DLGAP1: variants seen among roughly 807,000 people sequenced by gnomAD.
The protein encoded by DLGAP1 is disks large-associated protein 1.
A neutral mutation model predicts 90.8 loss-of-function variants in DLGAP1; 11 were observed. The observed-to-expected ratio is 0.12, with a 90% CI of 0.08 to 0.20. The LOEUF (loss-of-function observed/expected upper bound fraction) is 0.20. Ranked by LOEUF, DLGAP1 falls within the 10% of genes least tolerant of loss-of-function variation. The probability of loss-of-function intolerance (pLI) is 1.00; values close to 1 mark genes in which losing one functional copy is unlikely to be tolerated. For missense variants in DLGAP1, 1,050 were observed against 1,333.8 expected (o/e 0.79, Z 3.31); for synonymous variants, 558 against 540.7 (o/e 1.03, Z -0.44).
chr18:3,908,989 G>A (rs1004349301), intron 3 of DLGAP1, among the ~76,000 whole-genome samples: 1 of 152,058 alleles, frequency 6.6e-6, no homozygotes, highest in Non-Finnish European at 1.5e-5. Flanking sequence ...TCCTAGCCTG[G>A]GTTGCTGAAA....
rs184329997 is a variant in DLGAP1, at chr18:4,249,047, G to A, written c.-266-97760C>T. Among the ~76,000 whole-genome samples the A allele has an allele frequency of 2.0e-3, 310 of 152,282 alleles. 1 individual carries two copies. The highest frequency in any genetic ancestry group is 7.0e-3 in the African/African-American group (293 of 41,566). On this transcript the variant is annotated intron_variant, in intron 1 of 12. Coordinates refer to ENST00000315677, the MANE Select transcript of DLGAP1 (RefSeq NM_004746.4). The stretch of plus-strand genomic sequence containing the variant: ...TCTATGCAAATATGCCTTGCTCAGC[G>A]AGGCTGTACCCTTCACTCCCCTATT...
intron 1 of DLGAP1, among the ~76,000 whole-genome samples, chr18:4,440,120 CAAAAAAAAAA>C (rs35152199): frequency 2.0e-5 from 1 of 49,354 alleles, no homozygotes; most frequent in Admixed American, 3.3e-4. Flanking sequence ...ACTCCGTCAC[CAAAAAAAAAA>C]AAAAAAAAAA....
chr18:4,411,840 A>G (rs2082784732), intron 1 of DLGAP1, among the ~76,000 whole-genome samples: 1 of 152,152 alleles, frequency 6.6e-6, no homozygotes, highest in Non-Finnish European at 1.5e-5. Flanking sequence ...TTCCAAGAGG[A>G]GAAAGAGAAA....
chr18:4,247,219 C>T (rs2078670188), intron 1 of DLGAP1, among the ~76,000 whole-genome samples: 1 of 152,168 alleles, frequency 6.6e-6, no homozygotes, highest in African/African-American at 2.4e-5. Context: ...ATGTGTTTCA[C>T]ACTGATGTAA....
At position 3,749,148 on chromosome 18, in the gene DLGAP1, C is replaced by CTTTTT. The variant is rs776707431; in HGVS notation, c.1173-6641_1173-6637dup. ...CTTCCTCCTCCTCCTTCTTCTTCTT[C>CTTTTT]TTTTTTTTTTTTTTTTTTTTTGACA... On this transcript the variant is annotated intron_variant, in intron 5 of 12. Transcript: ENST00000315677. Among the ~76,000 whole-genome samples the CTTTTT allele has an allele frequency of 1.6e-3, 198 of 120,658 alleles. 1 individual carries two copies. The highest frequency in any genetic ancestry group is 5.6e-3 in the African/African-American group (176 of 31,202). 79.2% of individuals were successfully genotyped at this position (120,658 alleles called of 152,430 possible). A position where few individuals can be genotyped will look rare whatever the true frequency, so the allele number is the denominator to read the frequency against.
At chr18:3,781,230 T>C (rs1357046442) in intron 5 of DLGAP1, among the ~76,000 whole-genome samples, 2 of 152,196 alleles carry the variant, frequency 1.3e-5, no homozygotes, top group Non-Finnish European at 1.5e-5. Flanking sequence ...GTACATTTTT[T>C]ATGTCAGTTC....
chr18:3,986,981 C>T (rs964597052), intron 3 of DLGAP1, among the ~76,000 whole-genome samples: 5 of 152,148 alleles, frequency 3.3e-5, no homozygotes, highest in African/African-American at 1.2e-4. Flanking sequence ...GCTCTGACTA[C>T]GCAGAGCCAT....
chr18:3,934,938 C>T (rs957825605), intron 3 of DLGAP1, among the ~76,000 whole-genome samples: 2 of 152,230 alleles, frequency 1.3e-5, no homozygotes, highest in African/African-American at 4.8e-5. Context: ...TGAATTCAAA[C>T]CCCTGTTCCA....
intron 1 of DLGAP1, among the ~76,000 whole-genome samples, chr18:4,186,458 T>C (rs1598575123): frequency 6.6e-6 from 1 of 152,192 alleles, no homozygotes; most frequent in South Asian, 2.1e-4. Context: ...TTGTACATGG[T>C]GTGAGGAAGG....
chr18:4,231,490 C>T (rs1370382573), intron 1 of DLGAP1, among the ~76,000 whole-genome samples: 1 of 152,120 alleles, frequency 6.6e-6, no homozygotes, highest in Non-Finnish European at 1.5e-5. Context: ...CCTCCCTGCA[C>T]CTTCACTGCT....
chr18:3,568,109 G>A (rs1458119383), intron 8 of DLGAP1, among the ~76,000 whole-genome samples: 1 of 152,134 alleles, frequency 6.6e-6, no homozygotes, highest in Non-Finnish European at 1.5e-5. Context: ...AAGTTGGCCA[G>A]TCTGGTCTCA....
At chr18:4,244,441 C>T (rs545089908) in intron 1 of DLGAP1, among the ~76,000 whole-genome samples, 2 of 152,046 alleles carry the variant, frequency 1.3e-5, no homozygotes, top group Non-Finnish European at 2.9e-5. Flanking sequence ...AAAAAAACTA[C>T]CTAATTTACA....
chr18:4,042,022 T>C (rs1180481230), intron 2 of DLGAP1, among the ~76,000 whole-genome samples: 1 of 152,232 alleles, frequency 6.6e-6, no homozygotes, highest in Non-Finnish European at 1.5e-5. Context: ...CATTGTGTTA[T>C]AGAGATGTTT....
intron 4 of DLGAP1, among the ~76,000 whole-genome samples, chr18:3,815,825 G>C (rs988789979): frequency 6.6e-6 from 1 of 152,028 alleles, no homozygotes; most frequent in Non-Finnish European, 1.5e-5. Context: ...TACTATAGTG[G>C]ACAGAGCACT....
intron 1 of DLGAP1, among the ~76,000 whole-genome samples, chr18:4,413,618 C>T (rs898413200): frequency 6.6e-6 from 1 of 152,150 alleles, no homozygotes; most frequent in African/African-American, 2.4e-5. Context: ...TAGTCAGAAA[C>T]CAAACACAAA....
intron 1 of DLGAP1, among the ~76,000 whole-genome samples, chr18:4,361,417 T>A (rs2081627846): frequency 6.6e-6 from 1 of 152,136 alleles, no homozygotes; most frequent in Admixed American, 6.5e-5. Flanking sequence ...TACAGGCCAA[T>A]GGAACAGAAT....
intron 8 of DLGAP1, among the ~76,000 whole-genome samples, chr18:3,569,336 A>T (rs2145161934): frequency 6.6e-6 from 1 of 151,950 alleles, no homozygotes; most frequent in South Asian, 2.1e-4. Flanking sequence ...TCTATCTGTA[A>T]GTTGTCTGTT....
rs953627374 is a variant in DLGAP1, at chr18:3,650,187, C to A, written c.1592-67939G>T. Among the ~76,000 whole-genome samples, 10 of 152,250 alleles carry A rather than the reference C, an allele frequency of 6.6e-5. No individual in the cohort carries two copies. The East Asian group carries it at 7.7e-4, about 12-fold the overall frequency. ...CCTCCTGAGTAGCTGGGACTACAGG[C>A]ACCTGCCATCATGCCTGGCTAATTT... is the stretch of plus-strand genomic sequence containing the variant. On this transcript the variant is annotated intron_variant, in intron 7 of 12. Transcript: ENST00000315677.
At chr18:4,208,789 G>C (rs1355301022) in intron 1 of DLGAP1, among the ~76,000 whole-genome samples, 4 of 152,038 alleles carry the variant, frequency 2.6e-5, no homozygotes, top group African/African-American at 9.7e-5. Context: ...GAGAGGAAAA[G>C]GGAGAAGGAG....
Sources: allele counts gnomAD v4.1 joint callset (sites outside exome capture counted in the v4.1 genomes callset), GRCh38; gene constraint gnomAD v4.1.1; transcripts MANE v1.5; gene names NCBI Gene and HGNC (gene_info 2026-07-23, HGNC 2026-07-21).